The following WNT8B variants were observed in gnomAD, a reference collection of about 807,000 sequenced individuals.
WNT8B encodes protein Wnt-8b.
A neutral mutation model predicts 36.6 loss-of-function variants in WNT8B; 24 were observed. That is an observed-to-expected ratio of 0.66 (90% CI 0.48 to 0.92). The LOEUF (loss-of-function observed/expected upper bound fraction) is 0.92. Among genes scored for constraint, WNT8B ranks in the 40% least tolerant of loss-of-function variants. The probability of loss-of-function intolerance (pLI) is 0.00; values close to 1 mark genes in which losing one functional copy is unlikely to be tolerated. For synonymous variants in WNT8B, 199 were observed against 189.8 expected (o/e 1.05, Z -0.40); for missense variants, 402 against 470.8 (o/e 0.85, Z 1.35).
chr10:100,477,799 CAG>C (rs1851057889), intron 1 of WNT8B, among the ~76,000 whole-genome samples: 1 of 100,866 alleles, frequency 9.9e-6, no homozygotes, highest in Admixed American at 9.0e-5. Flanking sequence ...TTTTTTGGGA[CAG>C]AATATCACTC....
chr10:100,473,605 T>C (rs886470259), intron 1 of WNT8B, among the ~76,000 whole-genome samples: 3 of 152,200 alleles, frequency 2.0e-5, no homozygotes, highest in African/African-American at 7.2e-5. Flanking sequence ...TTGTATCCAG[T>C]ACTTCATTCC....
chr10:100,480,087 C>T, intron 3 of WNT8B, 75 bp downstream of exon 3: 1 of 1,523,214 alleles, frequency 6.6e-7, no homozygotes, highest in Middle Eastern at 2.4e-4. Context: ...CCCCTTGCCT[C>T]CTCGACACCC....
At chr10:100,466,906 ATT>A (rs1254857189) in intron 1 of WNT8B, among the ~76,000 whole-genome samples, 1 of 152,044 alleles carries the variant, frequency 6.6e-6, no homozygotes, top group Non-Finnish European at 1.5e-5. Flanking sequence ...GTGGGGGAGA[ATT>A]CATATGGCTT....
At chr10:100,471,881 CCT>C (rs1416524830) in intron 1 of WNT8B, among the ~76,000 whole-genome samples, 1 of 152,016 alleles carries the variant, frequency 6.6e-6, no homozygotes, top group African/African-American at 2.4e-5. Context: ...ACAACGAGAC[CCT>C]GTCTCTACAA....
Position 100,463,037 on chromosome 10 carries a change from G to A in WNT8B, c.-132G>A, listed in dbSNP as rs796739998. 2.9e-5 allele frequency: 21 copies of A among 734,776 alleles called. No individual in the cohort carries two copies. The African/African-American group carries it at 2.9e-4, about 10-fold the overall frequency. The allele number at this position is 734,776 out of a possible 1,614,324, so 45.5% of individuals were successfully genotyped here. Reference sequence around the variant, plus strand: ...TTTCACCTCCCCTTAACTCTGTTTGGGATCGCTTACACACCAAGGAAGTTG... The same window carrying A: ...TTTCACCTCCCCTTAACTCTGTTTGAGATCGCTTACACACCAAGGAAGTTG... On this transcript the variant is annotated 5_prime_UTR_variant, in exon 1 of 6. Transcript: ENST00000343737.
chr10:100,470,321 C>T (rs1339250417), intron 1 of WNT8B, among the ~76,000 whole-genome samples: 1 of 152,168 alleles, frequency 6.6e-6, no homozygotes, highest in Admixed American at 6.5e-5. Context: ...GACAGGGTCT[C>T]ATTGCCTTTT....
In WNT8B at chr10:100,482,452, G is replaced by A; in HGVS notation, c.692G>A (p.Arg231His). 6.2e-7 allele frequency: 1 copy of A among 1,605,010 alleles called. No individual in the cohort carries two copies. The highest frequency in any genetic ancestry group is 8.5e-7 in the Non-Finnish European group (1 of 1,179,850). Residue 231 changes from arginine to histidine, a missense_variant, in exon 6 of 6, where the codon CGC becomes CAC. Arg to His is a conservative substitution (Grantham distance 29). Transcript: ENST00000343737. The surrounding 1 kb of genome is among the most constrained non-coding windows in gnomAD (Gnocchi z 6.6). ...GGTGCTGGCAACAGCGCGGCCGGCCGCGGCGCCATCGCCGACACCTTTCGC... is the reference window on the plus strand; with the variant it reads ...GGTGCTGGCAACAGCGCGGCCGGCCACGGCGCCATCGCCGACACCTTTCGC... ...LQGAGNSAAG[R>H]GAIADTFRSI...
intron 2 of WNT8B, 91 bp downstream of exon 2, chr10:100,479,176 A>G: frequency 8.1e-7 from 1 of 1,235,134 alleles, no homozygotes. Context: ...TTATATCCAC[A>G]TATTTTATTA....
At chr10:100,469,924 TC>T (rs950444165) in intron 1 of WNT8B, among the ~76,000 whole-genome samples, 3 of 152,214 alleles carry the variant, frequency 2.0e-5, no homozygotes, top group Non-Finnish European at 4.4e-5. Flanking sequence ...TGGAGAACCT[TC>T]CAGCTATAGC....
chr10:100,481,882 A>G lies in WNT8B; in HGVS notation c.368-30A>G, dbSNP rs756881837. The G allele has an allele frequency of 6.2e-6, 10 of 1,613,406 alleles. No individual in the cohort carries two copies. In the South Asian group the frequency reaches 8.8e-5, roughly 14 times the overall value. On this transcript the variant is annotated intron_variant, in intron 4 of 5. Coordinates refer to ENST00000343737, the MANE Select transcript of WNT8B (RefSeq NM_003393.4). Reference sequence around the variant, plus strand: ...AGGAGGCTCTGCGCCCGCTTGCTCAATGACCTGTCCTCCCTCTGCACTTTT... The same window carrying G: ...AGGAGGCTCTGCGCCCGCTTGCTCAGTGACCTGTCCTCCCTCTGCACTTTT...
chr10:100,470,577 T>C (rs2133652151), intron 1 of WNT8B, among the ~76,000 whole-genome samples: 1 of 151,452 alleles, frequency 6.6e-6, no homozygotes, highest in East Asian at 2.0e-4. Flanking sequence ...GGATTAAAGG[T>C]TGGGGAGAAG....
chr10:100,480,066 C>G (rs1851091054), intron 3 of WNT8B, 54 bp downstream of exon 3: 2 of 1,593,794 alleles, frequency 1.3e-6, no homozygotes, highest in East Asian at 4.5e-5. Flanking sequence ...AGGTTAGAGC[C>G]CCAGGGATAG....
In WNT8B at chr10:100,483,735, C is replaced by A. The variant is rs1851149545; in HGVS notation, c.*919C>A. 2 of 152,250 alleles carry A rather than the reference C, an allele frequency of 1.3e-5. No homozygotes were observed. Among genetic ancestry groups the A allele is most frequent in the African/African-American group, 4.8e-5 (2 of 41,466 alleles). The allele number at this position is 152,250 out of a possible 1,614,324, so 9.4% of individuals were successfully genotyped here. On this transcript the variant is annotated 3_prime_UTR_variant, in exon 6 of 6. Transcript: ENST00000343737. ...ACTTTCCTCTTCAGATCCTGGTCTG[C>A]ACCTCTAGAGGCAGGTCCTAAGAAG...
At chr10:100,466,214 GA>G (rs997727807) in intron 1 of WNT8B, among the ~76,000 whole-genome samples, 5 of 149,794 alleles carry the variant, frequency 3.3e-5, no homozygotes, top group African/African-American at 7.4e-5. Context: ...TTGGAATCTG[GA>G]AAAAAAAATA....
At position 100,481,122 on chromosome 10, in the gene WNT8B, G is replaced by C; in HGVS notation, c.366G>C (p.Leu122=). ...CGCDDSRNGQ[L]GGQGWLWGGC... Reference sequence around the variant, plus strand: ...GTGATGACTCCCGCAACGGGCAACTGGGTGAGTAGTAATGTAGGGATGGGT... The same window carrying C: ...GTGATGACTCCCGCAACGGGCAACTCGGTGAGTAGTAATGTAGGGATGGGT... Residue 122 remains leucine, a splice_region_variant and synonymous_variant, in exon 4 of 6, where the codon CTG becomes CTC. Coordinates refer to ENST00000343737, the MANE Select transcript of WNT8B (RefSeq NM_003393.4). 6.2e-7 allele frequency: 1 copy of C among 1,614,006 alleles called. No individual in the cohort carries two copies. The highest frequency in any genetic ancestry group is 8.5e-7 in the Non-Finnish European group (1 of 1,179,952).
At position 100,479,901 on chromosome 10, in the gene WNT8B, G is replaced by T. The variant is rs1851088098; in HGVS notation, c.130G>T (p.Ala44Ser). Residue 44 changes from alanine to serine, a missense_variant, in exon 3 of 6, where the codon GCA becomes TCA. Coordinates refer to ENST00000343737, the MANE Select transcript of WNT8B (RefSeq NM_003393.4). ...TTACCTGATTTACTCCAGCAGTGTGGCAGCTGGTGCCCAGAGTGGTATTGA... is the reference window on the plus strand; with the variant it reads ...TTACCTGATTTACTCCAGCAGTGTGTCAGCTGGTGCCCAGAGTGGTATTGA... ...KAYLIYSSSVAAGAQSGIEEC... is the reference protein window; with the variant it reads ...KAYLIYSSSVSAGAQSGIEEC... 6.2e-7 allele frequency: 1 copy of T among 1,613,880 alleles called. No individual in the cohort carries two copies. Among genetic ancestry groups the T allele is most frequent in the African/African-American group, 1.3e-5 (1 of 74,906 alleles).
At position 100,479,984 on chromosome 10, in the gene WNT8B, G is replaced by A. The variant is rs149085097; in HGVS notation, c.213G>A (p.Gln71=). ...GGAACTGCCCTGAGAGAGCCCTGCA[G>A]CTGTCCAGCCATGGTGGGCTTCGCA... ...DRWNCPERAL[Q]LSSHGGLRSA... Residue 71 remains glutamine, a synonymous_variant, in exon 3 of 6, where the codon CAG becomes CAA. Transcript: ENST00000343737. The A allele has an allele frequency of 1.2e-5, 19 of 1,613,656 alleles. No individual in the cohort carries two copies. In the African/African-American group the frequency reaches 2.4e-4, roughly 20 times the overall value.
chr10:100,480,829 C>A (rs1439210516), intron 3 of WNT8B, among the ~76,000 whole-genome samples, 169 bp from the exon 4 acceptor site: 4 of 151,940 alleles, frequency 2.6e-5, no homozygotes, highest in Admixed American at 2.6e-4. Context: ...CATAGTGAGA[C>A]CGACTCTCTG....
chr10:100,479,110 T>A, intron 2 of WNT8B, 25 bp downstream of exon 2: 1 of 1,588,396 alleles, frequency 6.3e-7, no homozygotes, highest in Non-Finnish European at 8.5e-7. Flanking sequence ...CATTAATTGA[T>A]ATGGATTTCA....
Sources: gnomAD v4.1 joint callset for allele counts (sites outside exome capture counted in the v4.1 genomes callset) on GRCh38, gnomAD v4.1.1 for gene constraint, Gnocchi (gnomAD v3.1) non-coding constraint, MANE v1.5 for transcripts, NCBI Gene and HGNC (gene_info 2026-07-23, HGNC 2026-07-21) for gene names.